NPR2: variants seen among roughly 807,000 people sequenced by gnomAD.
The protein encoded by NPR2 is natriuretic peptide receptor 2.
NPR2 carries 49 observed loss-of-function variants against 120.7 expected under a neutral mutation model. The ratio of observed to expected loss-of-function variants is 0.41; its 90% CI spans 0.32 to 0.52. The LOEUF (loss-of-function observed/expected upper bound fraction) is 0.52. Among genes scored for constraint, NPR2 ranks in the 20% least tolerant of loss-of-function variants. NPR2 has a pLI of 0.36. For synonymous variants in NPR2, 484 were observed against 519.8 expected (o/e 0.93, Z 0.94); for missense variants, 931 against 1,362.9 (o/e 0.68, Z 4.99).
chr9:35,808,027 TA>T lies in NPR2; in HGVS notation c.2713-477del. On this transcript the variant is annotated intron_variant, in intron 18 of 21. Transcript: ENST00000342694. The surrounding 1 kb of genome is among the most constrained non-coding windows in gnomAD (Gnocchi z 4.0). ...CCCTAAATACTTAGTGTGTATTTCC[TA>T]AAAACTTCACTGTGTATTTCCTTAA... is the stretch of plus-strand genomic sequence containing the variant. 1 of 665,242 alleles carries T rather than the reference TA, an allele frequency of 1.5e-6. No homozygotes were observed. 41.2% of individuals were successfully genotyped at this position (665,242 alleles called of 1,614,324 possible). A position where few individuals can be genotyped will look rare whatever the true frequency, so the allele number is the denominator to read the frequency against.
At chr9:35,807,549 G>A in intron 18 of NPR2, 151 bp downstream of exon 18, 1 of 721,620 alleles carries the variant, frequency 1.4e-6, no homozygotes, top group South Asian at 1.5e-5. Flanking sequence ...GTACTTCGTA[G>A]ACAGATGTAG....
At chr9:35,793,538 T>G (rs1232024091) in intron 1 of NPR2, among the ~76,000 whole-genome samples, 1 of 152,098 alleles carries the variant, frequency 6.6e-6, no homozygotes, top group Non-Finnish European at 1.5e-5. Flanking sequence ...AAGCTCATAC[T>G]GAGAAATCTG....
rs761324899 is a variant in NPR2, at chr9:35,808,886, C to G, written c.2986+33C>G. The G allele has an allele frequency of 4.7e-5, 59 of 1,259,834 alleles. No homozygotes were observed. The highest frequency in any genetic ancestry group is 4.7e-5 in the Non-Finnish European group (40 of 856,508). 78.0% of individuals were successfully genotyped at this position (1,259,834 alleles called of 1,614,324 possible). A position where few individuals can be genotyped will look rare whatever the true frequency, so the allele number is the denominator to read the frequency against. Reference sequence around the variant, plus strand: ...ATTAGCCCTCAACCCCACTGTTGGCCTCAATTTATCTTGCCCTTTTCTTCT... The same window carrying G: ...ATTAGCCCTCAACCCCACTGTTGGCGTCAATTTATCTTGCCCTTTTCTTCT... On this transcript the variant is annotated intron_variant, in intron 20 of 21. Transcript: ENST00000342694. This position sits in a 1 kb window ranked among gnomAD's most constrained non-coding sequence, Gnocchi z 4.0.
rs75196027 is a variant in NPR2, at chr9:35,796,634, C to A, written c.873+2531C>A. Among the ~76,000 whole-genome samples, 414 of 152,304 alleles carry A rather than the reference C, an allele frequency of 2.7e-3. 2 individuals are homozygous for A. Among genetic ancestry groups the A allele is most frequent in the African/African-American group, 9.5e-3 (396 of 41,562 alleles). On this transcript the variant is annotated intron_variant, in intron 2 of 21. Transcript: ENST00000342694. ...AATTAACTCTCAGTTCTCCCCCTCA[C>A]TGTGGGCATTATTCAGACAGAGAAA...
Position 35,800,068 on chromosome 9 carries a change from C to T in NPR2, c.1034C>T (p.Ala345Val). Reference protein sequence around the residue: ...GCFYDGILLYAEVLNETIQEG... With the variant: ...GCFYDGILLYVEVLNETIQEG... ...TTCTATGATGGGATCCTGCTATATG[C>T]TGAAGTCCTGAATGAGACAATACAG... The change falls in exon 4 of 22, where the codon GCT becomes GTT. Residue 345 changes from alanine (A) to valine (V), a missense_variant. Physicochemically the swap from Ala to Val is moderately conservative, Grantham distance 64. Around this residue, in one of 3 missense-constraint regions of NPR2, gnomAD observed 681 missense variants for 974.3 expected, o/e 0.70. Coordinates refer to ENST00000342694, the MANE Select transcript of NPR2 (RefSeq NM_003995.4). This position sits in a 1 kb window ranked among gnomAD's most constrained non-coding sequence, Gnocchi z 4.7. 2 of 1,614,100 alleles carry T rather than the reference C, an allele frequency of 1.2e-6. No homozygotes were observed. Among genetic ancestry groups the T allele is most frequent in the Non-Finnish European group, 1.7e-6 (2 of 1,179,990 alleles).
intron 17 of NPR2, 50 bp downstream of exon 17, chr9:35,807,196 C>T: frequency 6.9e-7 from 1 of 1,454,908 alleles, no homozygotes; most frequent in East Asian, 2.3e-5. Flanking sequence ...GGGTAGGGAC[C>T]TGGGGAAGCC....
Position 35,808,014 on chromosome 9 carries a change from A to G in NPR2, c.2713-495A>G, listed in dbSNP as rs1197886769. ...ATAACTACTTTATCCCTAAATACTT[A>G]GTGTGTATTTCCTAAAAACTTCACT... On this transcript the variant is annotated intron_variant, in intron 18 of 21. Coordinates refer to ENST00000342694, the MANE Select transcript of NPR2 (RefSeq NM_003995.4). The surrounding 1 kb of genome is among the most constrained non-coding windows in gnomAD (Gnocchi z 4.0). The G allele has an allele frequency of 3.2e-6, 2 of 632,906 alleles. No homozygotes were observed. The highest frequency in any genetic ancestry group is 5.7e-6 in the Non-Finnish European group (2 of 353,400). The allele number at this position is 632,906 out of a possible 1,614,324, so 39.2% of individuals were successfully genotyped here.
intron 2 of NPR2, among the ~76,000 whole-genome samples, chr9:35,794,941 G>C (rs946816916): frequency 1.4e-4 from 21 of 152,030 alleles, no homozygotes; most frequent in African/African-American, 4.8e-4. Context: ...CAGATTAGAA[G>C]GGGGTGAGGT....
Position 35,808,854 on chromosome 9 carries a change from G to GTCT in NPR2, c.2986+2_2986+3insCTT. 6.4e-7 allele frequency: 1 copy of GTCT among 1,560,686 alleles called. No homozygotes were observed. Among genetic ancestry groups the GTCT allele is most frequent in the South Asian group, 1.1e-5 (1 of 90,060 alleles). ...TCTCGAATGGAGTCTAATGGTCAAG[G>GTCT]TAAGACATTAGCCCTCAACCCCACT... On this transcript the variant is annotated splice_donor_variant, in intron 20 of 21. Transcript: ENST00000342694. LOFTEE classifies it high-confidence loss of function. This position sits in a 1 kb window ranked among gnomAD's most constrained non-coding sequence, Gnocchi z 4.0.
Position 35,809,228 on chromosome 9 carries a change from G to C in NPR2, c.3059G>C (p.Arg1020Pro). The C allele has an allele frequency of 1.2e-6, 2 of 1,613,852 alleles. No individual in the cohort carries two copies. Among genetic ancestry groups the C allele is most frequent in the South Asian group, 1.1e-5 (1 of 91,074 alleles). Residue 1020 changes from arginine to proline, a missense_variant, in exon 21 of 22, where the codon CGG (arginine) becomes CCG (proline). This residue lies in a region of NPR2 where 184 missense variants were observed against 328.3 expected (regional missense o/e 0.56). Transcript: ENST00000342694. The surrounding 1 kb of genome is among the most constrained non-coding windows in gnomAD (Gnocchi z 4.1). The part of the protein sequence containing the change: ...DELGCFQLEL[R>P]GDVEMKGKGK... Reference sequence around the variant, plus strand: ...CTAGGATGCTTCCAGCTAGAGCTTCGGGGGGATGTGGAAATGAAGGTGATG... The same window carrying C: ...CTAGGATGCTTCCAGCTAGAGCTTCCGGGGGATGTGGAAATGAAGGTGATG...
Position 35,802,260 on chromosome 9 carries a change from C to T in NPR2, c.1687C>T (p.Gln563Ter). ...VNKKRIELTR[Q>*]VLFELKHMRD... ...TAAGAAGCGCATTGAGCTGACCCGG[C>T]AGGTTCTGTTTGAACTCAAACATGT... The change falls in exon 10 of 22, where the codon CAG becomes TAG. Residue 563 changes from glutamine (Q) to a stop codon, truncating the protein, a stop_gained. Coordinates refer to ENST00000342694, the MANE Select transcript of NPR2 (RefSeq NM_003995.4). LOFTEE classifies it high-confidence loss of function. The surrounding 1 kb of genome is among the most constrained non-coding windows in gnomAD (Gnocchi z 4.2). 6.2e-7 allele frequency: 1 copy of T among 1,603,658 alleles called. No homozygotes were observed. Among genetic ancestry groups the T allele is most frequent in the Non-Finnish European group, 8.5e-7 (1 of 1,171,038 alleles).
intron 12 of NPR2, among the ~76,000 whole-genome samples, chr9:35,803,062 T>A (rs1443647232): frequency 6.6e-6 from 1 of 152,206 alleles, no homozygotes; most frequent in Non-Finnish European, 1.5e-5. Context: ...TTCCATCATC[T>A]CTTTTACCTC....
At position 35,792,928 on chromosome 9, in the gene NPR2, C is replaced by G. The variant is rs748364573; in HGVS notation, c.520C>G (p.Arg174Gly). The G allele has an allele frequency of 6.2e-7, 1 of 1,614,062 alleles. No homozygotes were observed. The highest frequency in any genetic ancestry group is 8.5e-7 in the Non-Finnish European group (1 of 1,180,020). ...TGCTGCCTTGCTGTACCTGGATGCT[C>G]GCACAGATGACCGGCCTCACTACTT... ...ARAALLYLDA[R>G]TDDRPHYFTI... The change falls in exon 1 of 22, where the codon CGC (arginine) becomes GGC (glycine). Residue 174 changes from arginine to glycine, a missense_variant. Around this residue, in one of 3 missense-constraint regions of NPR2, gnomAD observed 681 missense variants for 974.3 expected, o/e 0.70. Coordinates refer to ENST00000342694, the MANE Select transcript of NPR2 (RefSeq NM_003995.4).
rs369154896 is a variant in NPR2 at position 35,806,182 on chromosome 9, C to A, written c.2321C>A (p.Ala774Asp). 2 of 1,614,194 alleles carry A rather than the reference C, an allele frequency of 1.2e-6. No individual in the cohort carries two copies. The highest frequency in any genetic ancestry group is 1.7e-6 in the Non-Finnish European group (2 of 1,180,038). Reference protein sequence around the residue: ...LMERCWAQDPAERPDFGQIKG... With the variant: ...LMERCWAQDPDERPDFGQIKG... ...GAGCGATGTTGGGCTCAGGACCCAGCTGAGCGGCCAGACTTTGGACAGATT... is the reference window on the plus strand; with the variant it reads ...GAGCGATGTTGGGCTCAGGACCCAGATGAGCGGCCAGACTTTGGACAGATT... Residue 774 changes from alanine to aspartate, a missense_variant, in exon 15 of 22, where the codon GCT (alanine) becomes GAT (aspartate). Ala to Asp is a moderately radical substitution (Grantham distance 126). This residue lies in a region of NPR2 where 66 missense variants were observed against 60.3 expected (regional missense o/e 1.09). Coordinates refer to ENST00000342694, the MANE Select transcript of NPR2 (RefSeq NM_003995.4). This position sits in a 1 kb window ranked among gnomAD's most constrained non-coding sequence, Gnocchi z 4.6.
intron 2 of NPR2, among the ~76,000 whole-genome samples, chr9:35,794,898 G>T (rs750267080): frequency 6.6e-6 from 1 of 152,006 alleles, no homozygotes; most frequent in Non-Finnish European, 1.5e-5. Context: ...GATTAGAAGA[G>T]GGGGAGACCT....
rs1180822472 is a variant in NPR2 at position 35,808,137 on chromosome 9, C to T, written c.2713-372C>T. ...CTTTCCTCCTCTCTGACAGTTTGGG[C>T]TGTCAGGTCCATTTCACTGGGCCTG... On this transcript the variant is annotated intron_variant, in intron 18 of 21. Transcript: ENST00000342694. This position sits in a 1 kb window ranked among gnomAD's most constrained non-coding sequence, Gnocchi z 4.0. 1.3e-6 allele frequency: 2 copies of T among 1,485,892 alleles called. No homozygotes were observed. Among genetic ancestry groups the T allele is most frequent in the African/African-American group, 1.4e-5 (1 of 72,410 alleles). The allele number at this position is 1,485,892 out of a possible 1,614,324, so 92.0% of individuals were successfully genotyped here. A position where few individuals can be genotyped will look rare whatever the true frequency, so the allele number is the denominator to read the frequency against.
chr9:35,806,469 A>C lies in NPR2; in HGVS notation c.2450A>C (p.Glu817Ala), dbSNP rs1828390338. The change falls in exon 16 of 22, where the codon GAG becomes GCG. Residue 817 changes from glutamate to alanine, a missense_variant. Glu to Ala is a moderately radical substitution (Grantham distance 107). Transcript: ENST00000342694. This position sits in a 1 kb window ranked among gnomAD's most constrained non-coding sequence, Gnocchi z 4.6. ...QYANNLEKLV[E>A]ERTQAYLEEK... ...GCCAATAACTTGGAGAAGCTGGTGG[A>C]GGAACGCACACAGGCCTATCTGGAG... 6.2e-7 allele frequency: 1 copy of C among 1,614,094 alleles called. No individual in the cohort carries two copies. The highest frequency in any genetic ancestry group is 8.5e-7 in the Non-Finnish European group (1 of 1,179,944).
chr9:35,804,188 C>T (rs1196226296), intron 12 of NPR2, among the ~76,000 whole-genome samples: 2 of 151,376 alleles, frequency 1.3e-5, no homozygotes, highest in Non-Finnish European at 2.9e-5. Flanking sequence ...CCTGAACTGA[C>T]TTGGGTGGCT....
chr9:35,797,504 G>A (rs991340991), intron 2 of NPR2, among the ~76,000 whole-genome samples: 1 of 152,182 alleles, frequency 6.6e-6, no homozygotes, highest in Non-Finnish European at 1.5e-5. Context: ...CCACTCTCCA[G>A]TTGGCCAGGG....
Sources: gnomAD v4.1 joint callset for allele counts (sites outside exome capture counted in the v4.1 genomes callset) on GRCh38, gnomAD v4.1.1 for gene constraint, gnomAD v4.1.1 regional missense constraint, Gnocchi (gnomAD v3.1) non-coding constraint, MANE v1.5 for transcripts, NCBI Gene and HGNC (gene_info 2026-07-23, HGNC 2026-07-21) for gene names.